The following LRRC37A2 variants were observed in gnomAD, a reference collection of about 807,000 sequenced individuals.
The protein encoded by LRRC37A2 is leucine-rich repeat-containing protein 37A2.
In LRRC37A2, 9 loss-of-function variants were observed where a neutral mutation model predicts 68.8. The ratio of observed to expected loss-of-function variants is 0.13; its 90% CI spans 0.08 to 0.23. The LOEUF (loss-of-function observed/expected upper bound fraction) is 0.23. Ranked by LOEUF, LRRC37A2 falls within the 10% of genes least tolerant of loss-of-function variation. The probability of loss-of-function intolerance (pLI) is 1.00; values close to 1 mark genes in which losing one functional copy is unlikely to be tolerated. For synonymous variants in LRRC37A2, 63 were observed against 367.6 expected, an observed-to-expected ratio of 0.17 and a Z score of 9.48; for missense variants, 168 against 950.4, an observed-to-expected ratio of 0.18 and a Z score of 10.82.
At chr17:46,888,344 T>C in the LRRC37A2 span, among the ~76,000 whole-genome samples, 1 of 152,068 alleles carries the variant, frequency 6.6e-6, no homozygotes, top group Admixed American at 6.6e-5. Flanking sequence ...ATTAAAAGTG[T>C]CCCCAGAAAG....
At chr17:46,915,854 A>G in the LRRC37A2 span, among the ~76,000 whole-genome samples, 1 of 152,234 alleles carries the variant, frequency 6.6e-6, no homozygotes, top group Non-Finnish European at 1.5e-5. Flanking sequence ...ATGGCATTGA[A>G]CAATACTGGG....
the LRRC37A2 span, chr17:46,939,665 C>G: frequency 3.0e-6 from 3 of 985,540 alleles, no homozygotes; most frequent in Non-Finnish European, 3.6e-6. Context: ...TATATTAGCA[C>G]CTGCCAGCCA....
chr17:46,764,570 A>T, the LRRC37A2 span: 1 of 152,246 alleles, frequency 6.6e-6, no homozygotes, highest in Non-Finnish European at 1.5e-5. Flanking sequence ...CCTGCTTCCC[A>T]TGAGACTTCG....
the LRRC37A2 span, among the ~76,000 whole-genome samples, chr17:46,774,623 C>T: frequency 2.0e-5 from 3 of 152,198 alleles, no homozygotes; most frequent in African/African-American, 4.8e-5. Flanking sequence ...ATCTCACTGC[C>T]CACACCCAAC....
At chr17:46,831,099 C>G in the LRRC37A2 span, among the ~76,000 whole-genome samples, 1 of 152,294 alleles carries the variant, frequency 6.6e-6, no homozygotes, top group South Asian at 2.1e-4. Context: ...GGTATGCATG[C>G]AGCTATAGAG....
chr17:46,797,384 A>G, the LRRC37A2 span, among the ~76,000 whole-genome samples: 5 of 152,172 alleles, frequency 3.3e-5, no homozygotes, highest in African/African-American at 9.7e-5. Context: ...AATCCTGGGA[A>G]GTTCAGGGCC....
At chr17:46,853,363 CTTTTTTTT>C in the LRRC37A2 span, among the ~76,000 whole-genome samples, 10 of 78,896 alleles carry the variant, frequency 1.3e-4, no homozygotes, top group African/African-American at 4.8e-4. Context: ...ATGCTAGTGA[CTTTTTTTT>C]TTTTTTTTTT....
the LRRC37A2 span, among the ~76,000 whole-genome samples, chr17:46,499,686 GC>G: frequency 9.0e-6 from 1 of 110,954 alleles, no homozygotes; most frequent in Admixed American, 9.3e-5. Flanking sequence ...GAAGCACAGT[GC>G]CAGGAGGCAC....
At chr17:47,008,910 G>A in the LRRC37A2 span, among the ~76,000 whole-genome samples, 2 of 151,962 alleles carry the variant, frequency 1.3e-5, no homozygotes, top group East Asian at 1.9e-4. Context: ...ATCCTTACAT[G>A]TATTTTAAAT....
chr17:46,769,674 C>G, the LRRC37A2 span: 1 of 1,470,644 alleles, frequency 6.8e-7, no homozygotes, highest in Non-Finnish European at 9.2e-7. Context: ...GGAAAAGGAG[C>G]CCGCGACCCA....
the LRRC37A2 span, among the ~76,000 whole-genome samples, chr17:46,818,171 C>T: frequency 6.6e-6 from 1 of 152,068 alleles, no homozygotes; most frequent in Non-Finnish European, 1.5e-5. Flanking sequence ...AGGGACAGTG[C>T]TGGATTTCCA....
chr17:46,987,174 C>T, the LRRC37A2 span, among the ~76,000 whole-genome samples: 5 of 152,168 alleles, frequency 3.3e-5, no homozygotes, highest in African/African-American at 9.6e-5. Flanking sequence ...ACTCGGGAGG[C>T]GGAGGTTGCA....
At chr17:46,866,374 G>A in the LRRC37A2 span, among the ~76,000 whole-genome samples, 6 of 152,078 alleles carry the variant, frequency 3.9e-5, no homozygotes, top group Admixed American at 3.9e-4. Flanking sequence ...GAGTGTGTAT[G>A]TGCGTGAGAA....
At chr17:46,800,989 C>G in the LRRC37A2 span, among the ~76,000 whole-genome samples, 1 of 152,302 alleles carries the variant, frequency 6.6e-6, no homozygotes, top group East Asian at 1.9e-4. Context: ...ACAACGCAGA[C>G]TGTAACATGA....
In LRRC37A2 at chr17:46,540,074, C is replaced by CT. The variant is rs2055038603; in HGVS notation, c.2907-96dup. On this transcript the variant is annotated intron_variant, in intron 6 of 14. Coordinates refer to ENST00000576629, the Ensembl canonical transcript of LRRC37A2. ...AGGTAAAGACAGGAAACATTTTTTTCTTTTTTACCTACAAGTTCCATATCA... is the reference window on the plus strand; with the variant it reads ...AGGTAAAGACAGGAAACATTTTTTTCTTTTTTTACCTACAAGTTCCATATCA... 24 of 1,311,616 alleles carry CT rather than the reference C, an allele frequency of 1.8e-5. No individual in the cohort carries two copies. In the South Asian group the frequency reaches 2.8e-4, roughly 15 times the overall value. 81.2% of individuals were successfully genotyped at this position (1,311,616 alleles called of 1,614,324 possible).
At chr17:46,944,895 C>T in the LRRC37A2 span, among the ~76,000 whole-genome samples, 8 of 152,160 alleles carry the variant, frequency 5.3e-5, no homozygotes, top group African/African-American at 1.9e-4. Flanking sequence ...CCACCGCAGC[C>T]GGCCTTAATT....
the LRRC37A2 span, among the ~76,000 whole-genome samples, chr17:46,848,914 C>T: frequency 1.5e-3 from 229 of 148,392 alleles, no homozygotes; most frequent in African/African-American, 5.6e-3. Context: ...GAGCCAGGCC[C>T]GGCACATGTG....
the LRRC37A2 span, among the ~76,000 whole-genome samples, chr17:46,976,235 T>C: frequency 2.0e-5 from 3 of 150,806 alleles, no homozygotes; most frequent in Non-Finnish European, 4.4e-5. Context: ...GATAAAAGTT[T>C]TTAAAAAAGA....
the LRRC37A2 span, among the ~76,000 whole-genome samples, chr17:46,726,223 T>G: frequency 6.6e-6 from 1 of 152,348 alleles, no homozygotes; most frequent in Non-Finnish European, 1.5e-5. Flanking sequence ...TCCATCTAGC[T>G]CTTGAGTCAT....
Sources: gnomAD v4.1 joint callset for allele counts (sites outside exome capture counted in the v4.1 genomes callset) on GRCh38, gnomAD v4.1.1 for gene constraint, MANE v1.5 for transcripts, NCBI Gene and HGNC (gene_info 2026-07-23, HGNC 2026-07-21) for gene names.